TEK: variants seen among roughly 807,000 people sequenced by gnomAD.
TEK encodes the protein angiopoietin-1 receptor.
A neutral mutation model predicts 131.8 loss-of-function variants in TEK; 43 were observed. The ratio of observed to expected loss-of-function variants is 0.33; its 90% CI spans 0.26 to 0.42. The LOEUF is 0.42. Among genes scored for constraint, TEK ranks in the 10% least tolerant of loss-of-function variants. The pLI, the probability that TEK is intolerant of heterozygous loss-of-function variation, is 1.00. For missense variants in TEK, 1,162 were observed against 1,384.4 expected (o/e 0.84, Z 2.55); for synonymous variants, 580 against 491.6 (o/e 1.18, Z -2.38).
At position 27,195,747 on chromosome 9, in the gene TEK, C is replaced by A. The variant is rs1824983312; in HGVS notation, c.1625-1568C>A. On this transcript the variant is annotated intron_variant, in intron 11 of 22. Transcript: ENST00000380036. ...AATAGAGCCCCTAACACCTTCCAAG[C>A]ATTTTCACATCCATTTTCTCACTTA... The A allele has an allele frequency of 6.7e-6, 3 of 449,008 alleles. No homozygotes were observed. In the Admixed American group the frequency reaches 7.4e-5, roughly 11 times the overall value. 27.8% of individuals were successfully genotyped at this position (449,008 alleles called of 1,614,324 possible). A position where few individuals can be genotyped will look rare whatever the true frequency, so the allele number is the denominator to read the frequency against.
intron 1 of TEK, among the ~76,000 whole-genome samples, chr9:27,124,868 T>C (rs887481971): frequency 6.6e-6 from 1 of 152,124 alleles, no homozygotes; most frequent in Non-Finnish European, 1.5e-5. Flanking sequence ...GCATATGAGG[T>C]CTATCCCACC....
chr9:27,217,590 C>G (rs1825865335), intron 18 of TEK, 98 bp from the exon 19 acceptor site: 1 of 1,030,118 alleles, frequency 9.7e-7, no homozygotes, highest in Non-Finnish European at 1.5e-6. Context: ...ATTTCTGAGT[C>G]TACCCAGCAA....
chr9:27,180,680 G>C (rs1824333436), intron 7 of TEK, among the ~76,000 whole-genome samples: 1 of 152,134 alleles, frequency 6.6e-6, no homozygotes, highest in South Asian at 2.1e-4. Context: ...CTTTTCCCTG[G>C]ACATGCGTAA....
At chr9:27,211,859 C>G (rs1255268570) in intron 16 of TEK, among the ~76,000 whole-genome samples, 1 of 131,736 alleles carries the variant, frequency 7.6e-6, no homozygotes, top group Non-Finnish European at 1.6e-5. Flanking sequence ...TTTAACTTTA[C>G]ATTTTTAGTA....
chr9:27,146,588 A>G (rs1822925485), intron 1 of TEK, among the ~76,000 whole-genome samples: 1 of 152,170 alleles, frequency 6.6e-6, no homozygotes, highest in Admixed American at 6.5e-5. Context: ...GCAAGTAGCA[A>G]TAGGTTTTTT....
chr9:27,183,332 C>T, intron 7 of TEK, 127 bp from the exon 8 acceptor site: 1 of 1,071,328 alleles, frequency 9.3e-7, no homozygotes, highest in East Asian at 2.4e-5. Context: ...TATGTGATGA[C>T]AAAACAGTAA....
chr9:27,194,982 T>G (rs1006540648), intron 11 of TEK, among the ~76,000 whole-genome samples: 2 of 152,104 alleles, frequency 1.3e-5, no homozygotes, highest in African/African-American at 4.8e-5. Flanking sequence ...GGGAAATGAC[T>G]ATTTATTGAG....
intron 1 of TEK, among the ~76,000 whole-genome samples, chr9:27,137,251 T>G (rs1231224376): frequency 6.6e-6 from 1 of 152,142 alleles, no homozygotes; most frequent in Non-Finnish European, 1.5e-5. Flanking sequence ...TCACGGATAT[T>G]TTCATATGTA....
At chr9:27,221,854 C>T (rs1826097444) in intron 21 of TEK, among the ~76,000 whole-genome samples, 1 of 152,200 alleles carries the variant, frequency 6.6e-6, no homozygotes, top group Non-Finnish European at 1.5e-5. Flanking sequence ...GATCACAACT[C>T]CTTGCCAGCA....
rs1826331208 is a variant in TEK at position 27,226,461 on chromosome 9, C to T, written c.3201-1745C>T. On this transcript the variant is annotated intron_variant, in intron 21 of 22. Transcript: ENST00000380036. Reference sequence around the variant, plus strand: ...ATGGATGAAGCTGGAAACCAACATTCTCAGGAAACTAGCACAAGAACAGAA... The same window carrying T: ...ATGGATGAAGCTGGAAACCAACATTTTCAGGAAACTAGCACAAGAACAGAA... Among the ~76,000 whole-genome samples the T allele has an allele frequency of 2.0e-5, 3 of 151,268 alleles. No individual in the cohort carries two copies. In the South Asian group the frequency reaches 6.3e-4, roughly 32 times the overall value.
Position 27,190,574 on chromosome 9 carries a change from A to C in TEK, c.1373A>C (p.His458Pro), listed in dbSNP as rs1023592101. 9.3e-6 allele frequency: 15 copies of C among 1,613,930 alleles called. No individual in the cohort carries two copies. Among genetic ancestry groups the C allele is most frequent in the Non-Finnish European group, 1.3e-5 (15 of 1,179,934 alleles). The change falls in exon 10 of 23, where the codon CAT becomes CCT. Residue 458 changes from histidine (H) to proline (P), a missense_variant. Around this residue, in one of 6 missense-constraint regions of TEK, gnomAD observed 477 missense variants for 471.0 expected, o/e 1.01. Transcript: ENST00000380036. ...GCCCCAAACGTGATTGACACTGGAC[A>C]TAACTTTGCTGTCATCAACATCAGC... ...LNAPNVIDTGHNFAVINISSE... is the reference protein window; with the variant it reads ...LNAPNVIDTGPNFAVINISSE...
chr9:27,218,884 C>G (rs2131242948), intron 20 of TEK, 67 bp downstream of exon 20: 1 of 1,460,768 alleles, frequency 6.8e-7, no homozygotes, highest in South Asian at 1.1e-5. Context: ...CTAGCACTCC[C>G]TTGCTGCATA....
At chr9:27,204,749 GT>G (rs943133596) in intron 13 of TEK, among the ~76,000 whole-genome samples, 161 bp from the exon 14 acceptor site, 1 of 151,460 alleles carries the variant, frequency 6.6e-6, no homozygotes, top group Non-Finnish European at 1.5e-5. Context: ...TCTCCACTGA[GT>G]TTGGAATATA....
At chr9:27,186,791 T>G (rs1824615620) in intron 9 of TEK, among the ~76,000 whole-genome samples, 1 of 152,156 alleles carries the variant, frequency 6.6e-6, no homozygotes, top group African/African-American at 2.4e-5. Context: ...CAGAGGTAAC[T>G]TCTATAAATG....
chr9:27,173,436 C>G (rs1386653771), intron 6 of TEK, 74 bp downstream of exon 6: 16 of 1,594,054 alleles, frequency 1.0e-5, no homozygotes, highest in African/African-American at 1.3e-5. Context: ...TGCTGTCAAT[C>G]ACAACATCGG....
In TEK at chr9:27,220,958, G is replaced by A. The variant is rs1314425840; in HGVS notation, c.3200+813G>A. 2.0e-5 allele frequency among the ~76,000 whole-genome samples: 3 copies of A among 152,238 alleles called. No homozygotes were observed. The East Asian group carries it at 5.8e-4, about 29-fold the overall frequency. On this transcript the variant is annotated intron_variant, in intron 21 of 22. Transcript: ENST00000380036. The stretch of plus-strand genomic sequence containing the variant: ...TATTCACTCCCCTGGAAAGGGGGCT[G>A]AAGCCAGGGAGCCAAGTGGTCTAGC...
rs149774408 is a variant in TEK, at chr9:27,168,654, T to A, written c.475+49T>A. 4.4e-5 allele frequency: 57 copies of A among 1,292,980 alleles called. No homozygotes were observed. In the East Asian group the frequency reaches 1.3e-3, roughly 30 times the overall value. 80.1% of individuals were successfully genotyped at this position (1,292,980 alleles called of 1,614,324 possible). A position where few individuals can be genotyped will look rare whatever the true frequency, so the allele number is the denominator to read the frequency against. On this transcript the variant is annotated intron_variant, in intron 3 of 22. Coordinates refer to ENST00000380036, the MANE Select transcript of TEK (RefSeq NM_000459.5). ...CCCCAGTATGATGTGAGATATCAGA[T>A]AACATACAACATATTGAATCATTTT... is the stretch of plus-strand genomic sequence containing the variant.
intron 18 of TEK, among the ~76,000 whole-genome samples, chr9:27,217,171 C>T (rs1047630130): frequency 2.0e-5 from 3 of 152,142 alleles, no homozygotes; most frequent in Non-Finnish European, 4.4e-5. Flanking sequence ...CACACTGTTC[C>T]CCTTGTCCAG....
intron 1 of TEK, among the ~76,000 whole-genome samples, chr9:27,135,969 C>T (rs1013246026): frequency 3.3e-5 from 5 of 152,060 alleles, no homozygotes; most frequent in East Asian, 1.9e-4. Context: ...TGTACCGTAC[C>T]GTCATTCTGA....
Sources: allele counts gnomAD v4.1 joint callset (sites outside exome capture counted in the v4.1 genomes callset), GRCh38; gene constraint gnomAD v4.1.1; regional missense constraint gnomAD v4.1.1; transcripts MANE v1.5; gene names NCBI Gene and HGNC (gene_info 2026-07-23, HGNC 2026-07-21).